Variants in ADAMTSL1 observed in about 807,000 individuals in gnomAD.
The protein encoded by ADAMTSL1 is ADAMTS like 1.
A neutral mutation model predicts 201.8 loss-of-function variants in ADAMTSL1; 126 were observed. The ratio of observed to expected loss-of-function variants is 0.62; its 90% CI spans 0.54 to 0.72. The LOEUF (loss-of-function observed/expected upper bound fraction) is 0.72. Ranked by LOEUF, ADAMTSL1 falls within the 30% of genes least tolerant of loss-of-function variation. The pLI is 0.00. For missense variants in ADAMTSL1, 2,679 were observed against 2,277.8 expected, an observed-to-expected ratio of 1.18 and a Z score of -3.59; for synonymous variants, 1,121 against 903.4, an observed-to-expected ratio of 1.24 and a Z score of -4.32.
chr9:18,064,424 A>G (rs1822600929), intron 1 of ADAMTSL1, among the ~76,000 whole-genome samples: 1 of 152,174 alleles, frequency 6.6e-6, no homozygotes, highest in South Asian at 2.1e-4. Context: ...TTTGCTATTT[A>G]CAATTTAGGA....
At chr9:18,822,978 C>A (rs1824307858) in intron 21 of ADAMTSL1, among the ~76,000 whole-genome samples, 2 of 152,184 alleles carry the variant, frequency 1.3e-5, no homozygotes, top group Admixed American at 6.5e-5. Context: ...GAAAAAAAAA[C>A]TTTATAACAC....
At chr9:17,950,555 A>C (rs1827695356) in intron 1 of ADAMTSL1, among the ~76,000 whole-genome samples, 2 of 151,450 alleles carry the variant, frequency 1.3e-5, no homozygotes, top group Admixed American at 1.3e-4. Flanking sequence ...TATATATGCT[A>C]CATAAAGCAA....
At chr9:17,970,438 G>A (rs1186665352) in intron 1 of ADAMTSL1, among the ~76,000 whole-genome samples, 4 of 152,074 alleles carry the variant, frequency 2.6e-5, no homozygotes, top group Non-Finnish European at 5.9e-5. Flanking sequence ...TGAAATAGAA[G>A]CACTTGGGTG....
intron 21 of ADAMTSL1, among the ~76,000 whole-genome samples, chr9:18,817,855 A>G (rs1217033515): frequency 1.3e-5 from 2 of 152,166 alleles, no homozygotes; most frequent in Non-Finnish European, 2.9e-5. Flanking sequence ...GGTAAGACCA[A>G]CAGCAGCGTG....
chr9:18,405,708 A>C (rs753982991), intron 2 of ADAMTSL1, among the ~76,000 whole-genome samples: 2 of 152,186 alleles, frequency 1.3e-5, no homozygotes, highest in African/African-American at 4.8e-5. Context: ...TGAAGATTAC[A>C]TATAGCAGTA....
intron 14 of ADAMTSL1, among the ~76,000 whole-genome samples, chr9:18,716,532 A>T (rs2133389639): frequency 6.6e-6 from 1 of 150,892 alleles, no homozygotes; most frequent in South Asian, 2.2e-4. Context: ...TCAAAACCAC[A>T]ATGAGATACC....
intron 1 of ADAMTSL1, among the ~76,000 whole-genome samples, chr9:18,043,979 T>A (rs1379829739): frequency 7.5e-5 from 11 of 147,634 alleles, no homozygotes; most frequent in Admixed American, 4.1e-4. Context: ...TCTTCATGGA[T>A]GCGTGCCTTC....
At chr9:18,349,470 C>G (rs1408436303) in intron 2 of ADAMTSL1, among the ~76,000 whole-genome samples, 2 of 152,116 alleles carry the variant, frequency 1.3e-5, no homozygotes, top group Non-Finnish European at 2.9e-5. Flanking sequence ...AAACTTGTGT[C>G]CTCACACTTG....
At chr9:18,301,207 G>GC (rs1833696849) in intron 2 of ADAMTSL1, among the ~76,000 whole-genome samples, 1 of 152,100 alleles carries the variant, frequency 6.6e-6, no homozygotes, top group African/African-American at 2.4e-5. Context: ...ATTATAAAGT[G>GC]CATATAAATT....
chr9:18,393,850 A>G (rs1429123559), intron 2 of ADAMTSL1, among the ~76,000 whole-genome samples: 1 of 152,188 alleles, frequency 6.6e-6, no homozygotes, highest in Non-Finnish European at 1.5e-5. Context: ...GGCAGAGAAA[A>G]CAAAGCCTGG....
chr9:17,920,066 T>C (rs1042456933), intron 1 of ADAMTSL1, among the ~76,000 whole-genome samples: 2 of 152,198 alleles, frequency 1.3e-5, no homozygotes, highest in African/African-American at 4.8e-5. Context: ...ATTTCTCTAA[T>C]GACTAATGAT....
At chr9:18,371,316 T>C (rs2133128774) in intron 2 of ADAMTSL1, among the ~76,000 whole-genome samples, 1 of 152,312 alleles carries the variant, frequency 6.6e-6, no homozygotes, top group South Asian at 2.1e-4. Flanking sequence ...TAATACATTC[T>C]GATAAAACAC....
chr9:18,539,441 C>A (rs1819994126), intron 3 of ADAMTSL1, among the ~76,000 whole-genome samples: 1 of 152,226 alleles, frequency 6.6e-6, no homozygotes, highest in Admixed American at 6.5e-5. Flanking sequence ...CAGGGTCTGG[C>A]ATTCAGTGTC....
In ADAMTSL1 at chr9:18,889,592, TG is replaced by T; in HGVS notation, c.4489del (p.Ala1497GlnfsTer17). 1 of 1,613,888 alleles carries T rather than the reference TG, an allele frequency of 6.2e-7. No individual in the cohort carries two copies. Among genetic ancestry groups the T allele is most frequent in the South Asian group, 1.1e-5 (1 of 91,054 alleles). ...IQDYWWSVDR[L>X]ATCSASCGNR... The stretch of plus-strand genomic sequence containing the variant: ...GATTACTGGTGGTCTGTGGACAGAC[TG>T]GCAACCTGCTCAGCCTCCTGTGGTA... On this transcript the variant is annotated frameshift_variant, in exon 25 of 29. Transcript: ENST00000380548. LOFTEE classifies it high-confidence loss of function.
chr9:18,848,190 C>A lies in ADAMTSL1; in HGVS notation c.4249+18213C>A, dbSNP rs570908994. ...CTAGTAAGAGGGGATCCCCATTGCA[C>A]AGTAGAGTCAGCTGGGAAGTTTAGA... On this transcript the variant is annotated intron_variant, in intron 23 of 28. Transcript: ENST00000380548. 7.2e-5 allele frequency among the ~76,000 whole-genome samples: 11 copies of A among 152,264 alleles called. No individual in the cohort carries two copies. In the South Asian group the frequency reaches 1.7e-3, roughly 23 times the overall value.
At chr9:18,385,848 A>C (rs1483608847) in intron 2 of ADAMTSL1, among the ~76,000 whole-genome samples, 1 of 152,202 alleles carries the variant, frequency 6.6e-6, no homozygotes, top group Non-Finnish European at 1.5e-5. Flanking sequence ...ATGGTGCAGG[A>C]AAGGAGTTAT....
At chr9:17,927,995 CTTTTTT>C (rs71333019) in intron 1 of ADAMTSL1, among the ~76,000 whole-genome samples, 14,539 of 149,560 alleles carry the variant, frequency 0.097, 733 homozygotes, top group South Asian at 0.19. Context: ...TTCTTTCTTT[CTTTTTT>C]TTTTTTTTTT....
At chr9:17,990,422 A>G (rs1819106369) in intron 1 of ADAMTSL1, among the ~76,000 whole-genome samples, 1 of 152,088 alleles carries the variant, frequency 6.6e-6, no homozygotes, top group Non-Finnish European at 1.5e-5. Flanking sequence ...GTTTGTTGCC[A>G]CAAAATAGTA....
intron 1 of ADAMTSL1, among the ~76,000 whole-genome samples, chr9:18,140,879 C>T (rs1467126222): frequency 6.6e-6 from 1 of 152,094 alleles, no homozygotes; most frequent in Admixed American, 6.6e-5. Context: ...CAGAGCTGTC[C>T]AAAATTAGGC....
Sources: gnomAD v4.1 joint callset for allele counts (sites outside exome capture counted in the v4.1 genomes callset) on GRCh38, gnomAD v4.1.1 for gene constraint, MANE v1.5 for transcripts, NCBI Gene and HGNC (gene_info 2026-07-23, HGNC 2026-07-21) for gene names.